The following CNTNAP5 variants were observed in gnomAD, a reference collection of about 807,000 sequenced individuals.
CNTNAP5 encodes contactin-associated protein-like 5.
CNTNAP5 carries 72 observed loss-of-function variants against 150.2 expected under a neutral mutation model. The ratio of observed to expected loss-of-function variants is 0.48; its 90% CI spans 0.40 to 0.58. CNTNAP5 has a LOEUF of 0.58. Ranked by LOEUF, CNTNAP5 falls within the 20% of genes least tolerant of loss-of-function variation. The pLI is 0.00. For synonymous variants in CNTNAP5, 672 were observed against 619.8 expected (o/e 1.08, Z -1.25); for missense variants, 1,636 against 1,626.2 (o/e 1.01, Z -0.10).
intron 13 of CNTNAP5, among the ~76,000 whole-genome samples, chr2:124,659,709 G>A (rs1678543838): frequency 6.8e-6 from 1 of 147,354 alleles, no homozygotes; most frequent in South Asian, 2.2e-4. Flanking sequence ...ATTATTTAAG[G>A]AGCCTATCCC....
chr2:124,557,651 C>A (rs779825537), intron 10 of CNTNAP5, among the ~76,000 whole-genome samples: 8 of 152,038 alleles, frequency 5.3e-5, no homozygotes, highest in Non-Finnish European at 1.0e-4. Flanking sequence ...GATGGATAAG[C>A]AGAGTATCTA....
At chr2:124,873,325 A>G (rs973790382) in intron 21 of CNTNAP5, among the ~76,000 whole-genome samples, 17 of 152,088 alleles carry the variant, frequency 1.1e-4, no homozygotes, top group African/African-American at 4.1e-4. Context: ...CTCATGAGCC[A>G]ATCACCACCC....
intron 3 of CNTNAP5, among the ~76,000 whole-genome samples, chr2:124,382,970 T>A (rs1350191021): frequency 6.6e-6 from 1 of 152,174 alleles, no homozygotes; most frequent in Non-Finnish European, 1.5e-5. Context: ...AAATTAGGTA[T>A]GTGTTTTGAA....
intron 1 of CNTNAP5, among the ~76,000 whole-genome samples, chr2:124,054,230 G>A (rs1681785493): frequency 6.6e-6 from 1 of 152,136 alleles, no homozygotes. Context: ...CTTTTTGTCT[G>A]GATGTTTGGG....
At chr2:124,431,508 G>GATATATAT (rs201654852) in intron 4 of CNTNAP5, among the ~76,000 whole-genome samples, 21 of 114,250 alleles carry the variant, frequency 1.8e-4, no homozygotes, top group African/African-American at 6.5e-4. Flanking sequence ...AAGTGTCAAA[G>GATATATAT]ATATATATAT....
chr2:124,421,293 C>T (rs1473218130), intron 4 of CNTNAP5, among the ~76,000 whole-genome samples: 2 of 152,136 alleles, frequency 1.3e-5, no homozygotes, highest in Non-Finnish European at 2.9e-5. Flanking sequence ...TAGAATATAG[C>T]AAAATGGAAC....
chr2:124,602,130 G>C (rs915956299), intron 11 of CNTNAP5, among the ~76,000 whole-genome samples: 2 of 151,970 alleles, frequency 1.3e-5, no homozygotes, highest in Non-Finnish European at 2.9e-5. Flanking sequence ...GGATCACGAC[G>C]TCAGGAGTTC....
chr2:124,919,843 A>G lies in CNTNAP5; in HGVS notation c.*5555A>G, dbSNP rs1183164435. 6.6e-6 allele frequency among the ~76,000 whole-genome samples: 1 copy of G among 151,970 alleles called. No homozygotes were observed. The highest frequency in any genetic ancestry group is 2.4e-5 in the African/African-American group (1 of 41,384). On this transcript the variant is annotated 3_prime_UTR_variant, in exon 24 of 24. Coordinates refer to ENST00000682447, the MANE Select transcript of CNTNAP5 (RefSeq NM_001367498.1). ...TCTAACCTGCCCAGGTTAAGCACCC[A>G]GATGCAACTTTCAGGAAATGAAACT...
At chr2:124,692,971 A>G (rs1284118143) in intron 13 of CNTNAP5, among the ~76,000 whole-genome samples, 1 of 152,112 alleles carries the variant, frequency 6.6e-6, no homozygotes, top group Non-Finnish European at 1.5e-5. Context: ...TTCAGAAATC[A>G]AAGAATTCTT....
chr2:124,129,893 G>A (rs943033521), intron 1 of CNTNAP5, among the ~76,000 whole-genome samples: 1 of 152,130 alleles, frequency 6.6e-6, no homozygotes, highest in Admixed American at 6.5e-5. Flanking sequence ...CTTTCTGTTA[G>A]GATTGCAAAT....
intron 19 of CNTNAP5, among the ~76,000 whole-genome samples, chr2:124,822,936 T>A (rs937944673): frequency 3.9e-5 from 6 of 152,216 alleles, no homozygotes; most frequent in African/African-American, 1.4e-4. Flanking sequence ...GAGTCCCAAC[T>A]CTACCAATGT....
At chr2:124,893,263 G>A (rs192506360) in intron 21 of CNTNAP5, among the ~76,000 whole-genome samples, 201 of 152,166 alleles carry the variant, frequency 1.3e-3, no homozygotes, top group African/African-American at 4.7e-3. Flanking sequence ...AATGGGCAGA[G>A]TAACACAGAA....
intron 6 of CNTNAP5, among the ~76,000 whole-genome samples, chr2:124,467,421 G>C (rs1470536828): frequency 6.6e-6 from 1 of 152,162 alleles, no homozygotes; most frequent in Non-Finnish European, 1.5e-5. Flanking sequence ...TTTGCAAAGA[G>C]TAGGTACAAT....
At chr2:124,728,595 T>A (rs1468742619) in intron 13 of CNTNAP5, among the ~76,000 whole-genome samples, 2 of 152,104 alleles carry the variant, frequency 1.3e-5, no homozygotes, top group Admixed American at 6.6e-5. Flanking sequence ...TTTTAATACA[T>A]ATGCATTATT....
At chr2:124,653,900 C>CCT (rs1678372966) in intron 13 of CNTNAP5, among the ~76,000 whole-genome samples, 1 of 131,014 alleles carries the variant, frequency 7.6e-6, no homozygotes, top group Admixed American at 7.4e-5. Flanking sequence ...AACATGCCCC[C>CCT]ACTGCCCCCA....
intron 3 of CNTNAP5, among the ~76,000 whole-genome samples, chr2:124,300,877 G>A (rs1688555595): frequency 6.6e-6 from 1 of 152,124 alleles, no homozygotes; most frequent in African/African-American, 2.4e-5. Context: ...TTGAAACACT[G>A]AAGGGAAATC....
chr2:124,685,303 T>C (rs893329847), intron 13 of CNTNAP5, among the ~76,000 whole-genome samples: 1 of 152,178 alleles, frequency 6.6e-6, no homozygotes, highest in Non-Finnish European at 1.5e-5. Flanking sequence ...CCTTCTCCAC[T>C]ATTTTGGAGG....
chr2:124,098,654 T>G (rs1270026494), intron 1 of CNTNAP5, among the ~76,000 whole-genome samples: 1 of 152,110 alleles, frequency 6.6e-6, no homozygotes, highest in Non-Finnish European at 1.5e-5. Flanking sequence ...GCACAACTAG[T>G]GTTAGATTTG....
Position 124,363,880 on chromosome 2 carries a change from T to C in CNTNAP5, c.382-53563T>C, listed in dbSNP as rs111640440. ...GCAATTATATCTTAATAAAGATATATGCATATACAGAATCCCATTAATTTT... is the reference window on the plus strand; with the variant it reads ...GCAATTATATCTTAATAAAGATATACGCATATACAGAATCCCATTAATTTT... On this transcript the variant is annotated intron_variant, in intron 3 of 23. Coordinates refer to ENST00000682447, the MANE Select transcript of CNTNAP5 (RefSeq NM_001367498.1). Among the ~76,000 whole-genome samples, 1,083 of 152,330 alleles carry C rather than the reference T, an allele frequency of 7.1e-3. 19 individuals are homozygous for C. The highest frequency in any genetic ancestry group is 0.025 in the African/African-American group (1,023 of 41,564).
Sources: allele counts gnomAD v4.1 joint callset (sites outside exome capture counted in the v4.1 genomes callset), GRCh38; gene constraint gnomAD v4.1.1; transcripts MANE v1.5; gene names NCBI Gene and HGNC (gene_info 2026-07-23, HGNC 2026-07-21).